The following MPDZ variants were observed in gnomAD, a reference collection of about 807,000 sequenced individuals.
MPDZ encodes multiple PDZ domain crumbs cell polarity complex component, also known as multiple PDZ domain protein.
A neutral mutation model predicts 239.1 loss-of-function variants in MPDZ; 234 were observed. The observed-to-expected ratio is 0.98, with a 90% CI of 0.88 to 1.09. The LOEUF is 1.09. Among genes scored for constraint, MPDZ ranks in the 50% least tolerant of loss-of-function variants. The pLI, the probability that MPDZ is intolerant of heterozygous loss-of-function variation, is 0.00. For missense variants in MPDZ, 3,175 were observed against 2,510.0 expected, an observed-to-expected ratio of 1.26 and a Z score of -5.66; for synonymous variants, 1,048 against 881.3, an observed-to-expected ratio of 1.19 and a Z score of -3.35.
chr9:13,216,108 T>A (rs1171304315), intron 10 of MPDZ, among the ~76,000 whole-genome samples: 3 of 151,634 alleles, frequency 2.0e-5, no homozygotes, highest in African/African-American at 7.3e-5. Context: ...TTAAACTTAT[T>A]TGATAAGGAA....
chr9:13,243,025 A>T (rs544381098), intron 3 of MPDZ, among the ~76,000 whole-genome samples: 8 of 152,074 alleles, frequency 5.3e-5, no homozygotes. Flanking sequence ...TGCTCTCTCT[A>T]CCTGAAATCA....
At chr9:13,273,149 AC>A (rs1588261565) in intron 1 of MPDZ, among the ~76,000 whole-genome samples, 1 of 152,166 alleles carries the variant, frequency 6.6e-6, no homozygotes, top group East Asian at 1.9e-4. Flanking sequence ...TTGATCTGGT[AC>A]TTCCCAGCCT....
At chr9:13,263,227 G>A (rs1420042890) in intron 1 of MPDZ, among the ~76,000 whole-genome samples, 1 of 151,936 alleles carries the variant, frequency 6.6e-6, no homozygotes, top group Non-Finnish European at 1.5e-5. Context: ...ACAGAATGAT[G>A]GATATATGAG....
At chr9:13,115,416 C>T in intron 39 of MPDZ, 82 bp from the exon 40 acceptor site, 1 of 1,206,680 alleles carries the variant, frequency 8.3e-7, no homozygotes, top group Non-Finnish European at 1.2e-6. Flanking sequence ...TTTTACTCTT[C>T]AAGACTTTTT....
At position 13,206,125 on chromosome 9, in the gene MPDZ, T is replaced by C. The variant is rs750546997; in HGVS notation, c.1291-26A>G. On this transcript the variant is annotated intron_variant, in intron 10 of 46. Coordinates refer to ENST00000319217, the MANE Select transcript of MPDZ (RefSeq NM_001378778.1). ...CTGTGATTAAAAAAAAAAAAAAGCA[T>C]GTTACATGTTAAATAAATGGATATT... is the stretch of plus-strand genomic sequence containing the variant. 3.4e-5 allele frequency: 51 copies of C among 1,480,236 alleles called. 1 individual carries two copies. The highest frequency in any genetic ancestry group is 3.5e-4 in the Middle Eastern group (2 of 5,712). The allele number at this position is 1,480,236 out of a possible 1,614,324, so 91.7% of individuals were successfully genotyped here. A position where few individuals can be genotyped will look rare whatever the true frequency, so the allele number is the denominator to read the frequency against.
chr9:13,108,253 A>G (rs1941820965), intron 46 of MPDZ, among the ~76,000 whole-genome samples: 1 of 152,112 alleles, frequency 6.6e-6, no homozygotes, highest in Non-Finnish European at 1.5e-5. Context: ...GACTTAACAT[A>G]TTAACAATAA....
rs750623791 is a variant in MPDZ, at chr9:13,113,077, A to G, written c.5558-23T>C. 5.2e-6 allele frequency: 8 copies of G among 1,547,250 alleles called. No homozygotes were observed. In the East Asian group the frequency reaches 1.6e-4, roughly 31 times the overall value. Reference sequence around the variant, plus strand: ...CCACTGTAAAGGCAAAAAAGATAAAATAGGGTTATTTTATGTTCATTCACT... The same window carrying G: ...CCACTGTAAAGGCAAAAAAGATAAAGTAGGGTTATTTTATGTTCATTCACT... On this transcript the variant is annotated intron_variant, in intron 41 of 46. Transcript: ENST00000319217.
chr9:13,187,920 T>C (rs1479505087), intron 17 of MPDZ, among the ~76,000 whole-genome samples: 1 of 152,136 alleles, frequency 6.6e-6, no homozygotes, highest in Non-Finnish European at 1.5e-5. Context: ...GTTTCTATTA[T>C]TACAGTAATT....
At chr9:13,239,843 A>C (rs550355554) in intron 3 of MPDZ, among the ~76,000 whole-genome samples, 8 of 152,286 alleles carry the variant, frequency 5.3e-5, no homozygotes, top group South Asian at 2.1e-4. Flanking sequence ...TGGCAAGTGG[A>C]ATGTAGCATA....
chr9:13,208,393 G>C (rs1564031921), intron 10 of MPDZ, among the ~76,000 whole-genome samples: 3 of 151,802 alleles, frequency 2.0e-5, no homozygotes, highest in Non-Finnish European at 4.4e-5. Context: ...GCTGCAGTGA[G>C]CCATGATCAT....
At chr9:13,152,618 G>A (rs1370348988) in intron 24 of MPDZ, among the ~76,000 whole-genome samples, 1 of 151,884 alleles carries the variant, frequency 6.6e-6, no homozygotes, top group Non-Finnish European at 1.5e-5. Context: ...CTCGGGGTAC[G>A]TCTATATCAG....
chr9:13,204,855 G>T (rs548808228), intron 12 of MPDZ, among the ~76,000 whole-genome samples, 181 bp downstream of exon 12: 1 of 152,224 alleles, frequency 6.6e-6, no homozygotes, highest in East Asian at 1.9e-4. Context: ...GCTATAAATG[G>T]AATGTTTTAA....
At position 13,143,484 on chromosome 9, in the gene MPDZ, TAG is replaced by T. The variant is rs751161649; in HGVS notation, c.3820_3821del (p.Leu1274ThrfsTer36). On this transcript the variant is annotated frameshift_variant, in exon 27 of 47. Transcript: ENST00000319217. LOFTEE classifies it high-confidence loss of function. Reference sequence around the variant, plus strand: ...ATCCAACCTTGTCGGCGTTGATTTGTAGAGAGTCAGCAAATGGGTTAGTGCTG... The same window carrying T: ...ATCCAACCTTGTCGGCGTTGATTTGTAGAGTCAGCAAATGGGTTAGTGCTG... ...FSSTNPFADS[L>X]QINADKAPSQ... 1.6e-5 allele frequency: 26 copies of T among 1,612,432 alleles called. No individual in the cohort carries two copies. The highest frequency in any genetic ancestry group is 4.5e-5 in the East Asian group (2 of 44,836).
At chr9:13,155,859 C>T (rs759065832) in intron 24 of MPDZ, among the ~76,000 whole-genome samples, 3 of 152,084 alleles carry the variant, frequency 2.0e-5, no homozygotes, top group African/African-American at 4.8e-5. Context: ...TCTAGGAGAA[C>T]CACTACACTA....
intron 1 of MPDZ, among the ~76,000 whole-genome samples, chr9:13,254,902 C>T (rs574602650): frequency 7.9e-5 from 12 of 152,260 alleles, no homozygotes; most frequent in African/African-American, 2.9e-4. Flanking sequence ...TTGCTGAAGG[C>T]TGTGGTCACT....
At chr9:13,230,137 A>G (rs907538958) in intron 3 of MPDZ, among the ~76,000 whole-genome samples, 2 of 152,170 alleles carry the variant, frequency 1.3e-5, no homozygotes, top group African/African-American at 2.4e-5. Context: ...TCAAAAAGAA[A>G]TATCACTGCG....
chr9:13,179,787 C>A (rs750930200), intron 19 of MPDZ, among the ~76,000 whole-genome samples: 1 of 152,016 alleles, frequency 6.6e-6, no homozygotes, highest in East Asian at 1.9e-4. Flanking sequence ...ATTTCTTAAG[C>A]GCAATGCATA....
chr9:13,206,821 C>T (rs544335467), intron 10 of MPDZ, among the ~76,000 whole-genome samples: 22 of 152,162 alleles, frequency 1.4e-4, no homozygotes, highest in African/African-American at 5.1e-4. Flanking sequence ...AGATTACAGG[C>T]GTGAGCCACT....
intron 10 of MPDZ, among the ~76,000 whole-genome samples, chr9:13,214,379 A>G (rs979939029): frequency 9.9e-5 from 15 of 151,984 alleles, no homozygotes; most frequent in African/African-American, 3.4e-4. Flanking sequence ...GCAAATCCAT[A>G]GAGACAGAAA....
Sources: gnomAD v4.1 joint callset for allele counts (sites outside exome capture counted in the v4.1 genomes callset) on GRCh38, gnomAD v4.1.1 for gene constraint, MANE v1.5 for transcripts, NCBI Gene and HGNC (gene_info 2026-07-23, HGNC 2026-07-21) for gene names.